RAB18: variants seen among roughly 807,000 people sequenced by gnomAD.
RAB18 encodes the protein ras-related protein Rab-18.
A neutral mutation model predicts 28.5 loss-of-function variants in RAB18; 10 were observed. The observed-to-expected ratio is 0.35, with a 90% CI of 0.22 to 0.60. The LOEUF is 0.60. Ranked by LOEUF, RAB18 falls within the 20% of genes least tolerant of loss-of-function variation. The pLI is 0.78. For synonymous variants in RAB18, 93 were observed against 86.9 expected (o/e 1.07, Z -0.39); for missense variants, 188 against 244.2 (o/e 0.77, Z 1.53).
chr10:27,522,701 A>T (rs1330572594), intron 2 of RAB18, among the ~76,000 whole-genome samples: 2 of 151,898 alleles, frequency 1.3e-5, no homozygotes, highest in Non-Finnish European at 2.9e-5. Flanking sequence ...TCTATATTCT[A>T]TATATATTTT....
rs756109187 is a variant in RAB18, at chr10:27,533,851, A to G, written c.376A>G (p.Lys126Glu). 9 of 1,612,208 alleles carry G rather than the reference A, an allele frequency of 5.6e-6. No individual in the cohort carries two copies. In the East Asian group the frequency reaches 2.0e-4, roughly 36 times the overall value. The change falls in exon 5 of 7, where the codon AAG (lysine) becomes GAG (glutamate). Residue 126 changes from lysine (K) to glutamate (E), a missense_variant and splice_region_variant. Transcript: ENST00000356940. ...VNMLVGNKIDKENREVDRNEG... is the reference protein window; with the variant it reads ...VNMLVGNKIDEENREVDRNEG... Reference sequence around the variant, plus strand: ...CATGCTAGTTGGAAATAAAATCGATAAGGTAAGAAGGCAGACACTTGGCAT... The same window carrying G: ...CATGCTAGTTGGAAATAAAATCGATGAGGTAAGAAGGCAGACACTTGGCAT...
Position 27,539,362 on chromosome 10 carries a change from C to G in RAB18, c.*1311C>G, listed in dbSNP as rs1268128971. 5.1e-5 allele frequency: 15 copies of G among 293,890 alleles called. No individual in the cohort carries two copies. Among genetic ancestry groups the G allele is most frequent in the Non-Finnish European group, 9.9e-5 (15 of 151,936 alleles). 18.2% of individuals were successfully genotyped at this position (293,890 alleles called of 1,614,324 possible). A position where few individuals can be genotyped will look rare whatever the true frequency, so the allele number is the denominator to read the frequency against. The stretch of plus-strand genomic sequence containing the variant: ...TCTGTATACAATTGCAAATGATAAG[C>G]ATTTTTGTGAGTGACCACCTTTGCA... On this transcript the variant is annotated 3_prime_UTR_variant, in exon 7 of 7. Transcript: ENST00000356940.
Position 27,539,031 on chromosome 10 carries a change from G to C in RAB18, c.*980G>C, listed in dbSNP as rs1350909248. The C allele has an allele frequency of 2.3e-6, 1 of 427,556 alleles. No individual in the cohort carries two copies. Among genetic ancestry groups the C allele is most frequent in the Non-Finnish European group, 4.7e-6 (1 of 212,700 alleles). The allele number at this position is 427,556 out of a possible 1,614,324, so 26.5% of individuals were successfully genotyped here. ...AACACTAAGTGATAATTTGAAAAAG[G>C]CATATTGCTTCCAGATTCTGATGTG... On this transcript the variant is annotated 3_prime_UTR_variant, in exon 7 of 7. Coordinates refer to ENST00000356940, the MANE Select transcript of RAB18 (RefSeq NM_021252.5).
intron 3 of RAB18, among the ~76,000 whole-genome samples, chr10:27,528,837 A>G (rs59498921): frequency 0.036 from 5,483 of 152,048 alleles, 310 homozygotes; most frequent in African/African-American, 0.12. Flanking sequence ...CACCAATTGT[A>G]TTCATATTCA....
At chr10:27,508,160 G>A (rs942046399) in intron 1 of RAB18, among the ~76,000 whole-genome samples, 1 of 152,052 alleles carries the variant, frequency 6.6e-6, no homozygotes, top group South Asian at 2.1e-4. Flanking sequence ...TGCACACATA[G>A]AATTTAGAAT....
intron 2 of RAB18, among the ~76,000 whole-genome samples, chr10:27,523,122 G>T (rs1465084643): frequency 6.6e-6 from 1 of 151,876 alleles, no homozygotes; most frequent in Non-Finnish European, 1.5e-5. Context: ...TCTAATATGG[G>T]TGTTTAGTGC....
intron 2 of RAB18, among the ~76,000 whole-genome samples, chr10:27,518,050 C>G (rs1450999799): frequency 6.6e-6 from 1 of 152,012 alleles, no homozygotes; most frequent in Non-Finnish European, 1.5e-5. Context: ...CATCCAAGTT[C>G]CTGTGAATTG....
intron 2 of RAB18, among the ~76,000 whole-genome samples, chr10:27,519,758 C>G (rs909724073): frequency 1.3e-5 from 2 of 152,040 alleles, no homozygotes; most frequent in South Asian, 2.1e-4. Flanking sequence ...CCAAAGTGAT[C>G]TATAGATTCA....
At position 27,504,350 on chromosome 10, in the gene RAB18, C is replaced by T. The variant is rs74127323; in HGVS notation, c.-20C>T. The T allele has an allele frequency of 8.8e-4, 1,380 of 1,568,688 alleles. 4 individuals are homozygous for T. The African/African-American group carries it at 0.015, about 17-fold the overall frequency. ...GCGCACCCGGGCGGCCAGCTGGGCTCGGAGCGGAACGGGGTCAGGATGGAC... is the reference window on the plus strand; with the variant it reads ...GCGCACCCGGGCGGCCAGCTGGGCTTGGAGCGGAACGGGGTCAGGATGGAC... On this transcript the variant is annotated 5_prime_UTR_variant, in exon 1 of 7. Transcript: ENST00000356940.
intron 2 of RAB18, among the ~76,000 whole-genome samples, chr10:27,511,335 T>A (rs1386957256): frequency 6.6e-6 from 1 of 152,104 alleles, no homozygotes; most frequent in Non-Finnish European, 1.5e-5. Flanking sequence ...CCCAAGTAGC[T>A]GGGACTACAG....
rs1834972272 is a variant in RAB18 at position 27,539,346 on chromosome 10, A to G, written c.*1295A>G. The G allele has an allele frequency of 3.4e-6, 1 of 298,240 alleles. No individual in the cohort carries two copies. Among genetic ancestry groups the G allele is most frequent in the Non-Finnish European group, 6.5e-6 (1 of 154,684 alleles). The allele number at this position is 298,240 out of a possible 1,614,324, so 18.5% of individuals were successfully genotyped here. On this transcript the variant is annotated 3_prime_UTR_variant, in exon 7 of 7. Transcript: ENST00000356940. ...TCTGGGCAGTTTGTTCTCTGTATACAATTGCAAATGATAAGCATTTTTGTG... is the reference window on the plus strand; with the variant it reads ...TCTGGGCAGTTTGTTCTCTGTATACGATTGCAAATGATAAGCATTTTTGTG...
At chr10:27,506,323 C>T (rs895728239) in intron 1 of RAB18, among the ~76,000 whole-genome samples, 1 of 151,990 alleles carries the variant, frequency 6.6e-6, no homozygotes, top group African/African-American at 2.4e-5. Context: ...TTCCTCTGCT[C>T]TACCCGCTGT....
At position 27,519,738 on chromosome 10, in the gene RAB18, T is replaced by C. The variant is rs536463489; in HGVS notation, c.125-7090T>C. Reference sequence around the variant, plus strand: ...CATAAGATTTAATATTGCTAAGAGGTCAGTTCTCCCCAAAGTGATCTATAG... The same window carrying C: ...CATAAGATTTAATATTGCTAAGAGGCCAGTTCTCCCCAAAGTGATCTATAG... On this transcript the variant is annotated intron_variant, in intron 2 of 6. Transcript: ENST00000356940. 2.6e-5 allele frequency among the ~76,000 whole-genome samples: 4 copies of C among 152,180 alleles called. No individual in the cohort carries two copies. The South Asian group carries it at 8.3e-4, about 32-fold the overall frequency.
At chr10:27,521,262 T>C (rs534671680) in intron 2 of RAB18, among the ~76,000 whole-genome samples, 70 of 152,260 alleles carry the variant, frequency 4.6e-4, no homozygotes, top group African/African-American at 1.6e-3. Context: ...TTTGTTGTTA[T>C]ACGGAGTATT....
chr10:27,521,769 G>A (rs1834558557), intron 2 of RAB18, among the ~76,000 whole-genome samples: 1 of 151,934 alleles, frequency 6.6e-6, no homozygotes. Flanking sequence ...GTTGATGGGT[G>A]CACCAAAATC....
intron 2 of RAB18, among the ~76,000 whole-genome samples, chr10:27,518,626 G>T (rs1420975648): frequency 1.3e-5 from 2 of 151,722 alleles, no homozygotes; most frequent in Non-Finnish European, 2.9e-5. Context: ...TTGCTTTTTT[G>T]GGGGCTTTGA....
Position 27,539,892 on chromosome 10 carries a change from T to C in RAB18, c.*1841T>C. 1 of 453,742 alleles carries C rather than the reference T, an allele frequency of 2.2e-6. No homozygotes were observed. The highest frequency in any genetic ancestry group is 4.4e-6 in the Non-Finnish European group (1 of 226,656). The allele number at this position is 453,742 out of a possible 1,614,324, so 28.1% of individuals were successfully genotyped here. On this transcript the variant is annotated 3_prime_UTR_variant, in exon 7 of 7. Coordinates refer to ENST00000356940, the MANE Select transcript of RAB18 (RefSeq NM_021252.5). ...CTCTCATCAGCTGAAGAATATGTAC[T>C]ATTGTGTTACTCAAATTATGTGGCT...
chr10:27,530,822 T>C (rs1834773507), intron 3 of RAB18, among the ~76,000 whole-genome samples: 1 of 151,826 alleles, frequency 6.6e-6, no homozygotes, highest in South Asian at 2.1e-4. Flanking sequence ...TCCCTGCAAA[T>C]TTGGGTTTTG....
intron 6 of RAB18, among the ~76,000 whole-genome samples, chr10:27,536,300 G>A (rs1293732917): frequency 1.3e-5 from 2 of 152,180 alleles, no homozygotes; most frequent in Non-Finnish European, 2.9e-5. Context: ...GGCATTCAAG[G>A]TCATGTGATT....
Sources: allele counts gnomAD v4.1 joint callset (sites outside exome capture counted in the v4.1 genomes callset), GRCh38; gene constraint gnomAD v4.1.1; transcripts MANE v1.5; gene names NCBI Gene and HGNC (gene_info 2026-07-23, HGNC 2026-07-21).